Variants in C10orf67 observed in about 807,000 individuals in gnomAD.
The protein encoded by C10orf67 is chromosome 10 open reading frame 67.
C10orf67 carries 60 observed loss-of-function variants against 35.6 expected under a neutral mutation model. The observed-to-expected ratio is 1.68, with a 90% CI of 1.37 to 2.09. The LOEUF is 2.09. Ranked by LOEUF, C10orf67 falls within the 30% of genes most tolerant of loss-of-function variation. The pLI is 0.00. For synonymous variants in C10orf67, 167 were observed against 115.8 expected, an observed-to-expected ratio of 1.44 and a Z score of -2.84; for missense variants, 474 against 330.2, an observed-to-expected ratio of 1.44 and a Z score of -3.38.
intron 15 of C10orf67, among the ~76,000 whole-genome samples, chr10:23,218,476 T>C (rs928154983): frequency 4.6e-5 from 7 of 152,152 alleles, no homozygotes; most frequent in Non-Finnish European, 7.4e-5. Flanking sequence ...TCTAATATGC[T>C]AAATTATATG....
chr10:23,300,741 C>A (rs930319120), intron 5 of C10orf67, among the ~76,000 whole-genome samples: 5 of 152,146 alleles, frequency 3.3e-5, no homozygotes, highest in African/African-American at 1.2e-4. Context: ...ATGTCTGCAG[C>A]ACCAATCTCC....
chr10:23,309,833 A>C (rs1844428590), intron 4 of C10orf67, among the ~76,000 whole-genome samples: 1 of 152,248 alleles, frequency 6.6e-6, no homozygotes, highest in Non-Finnish European at 1.5e-5. Flanking sequence ...TTTTACTTTT[A>C]CATGCTTCCT....
At chr10:23,309,451 T>C (rs758391362) in intron 4 of C10orf67, among the ~76,000 whole-genome samples, 1 of 152,146 alleles carries the variant, frequency 6.6e-6, no homozygotes, top group Non-Finnish European at 1.5e-5. Flanking sequence ...ATGTTCAATA[T>C]TGGGGGATGG....
chr10:23,237,744 T>A (rs1842085341), intron 13 of C10orf67, among the ~76,000 whole-genome samples: 1 of 152,164 alleles, frequency 6.6e-6, no homozygotes, highest in African/African-American at 2.4e-5. Flanking sequence ...TAATCTGTAG[T>A]GATAGAAATC....
intron 8 of C10orf67, among the ~76,000 whole-genome samples, chr10:23,277,408 C>T (rs1026725874): frequency 6.6e-6 from 1 of 151,928 alleles, no homozygotes; most frequent in Non-Finnish European, 1.5e-5. Context: ...GAAAAATTAG[C>T]CGGACATCTT....
intron 4 of C10orf67, among the ~76,000 whole-genome samples, chr10:23,306,871 T>C (rs1844304764): frequency 6.6e-6 from 1 of 152,214 alleles, no homozygotes; most frequent in Non-Finnish European, 1.5e-5. Flanking sequence ...TTGTCAATTA[T>C]ACATCAGTAA....
At chr10:23,230,831 G>C (rs1379932596) in intron 13 of C10orf67, among the ~76,000 whole-genome samples, 1 of 152,214 alleles carries the variant, frequency 6.6e-6, no homozygotes, top group Non-Finnish European at 1.5e-5. Flanking sequence ...GGCAATATCA[G>C]TGCTGAAGAC....
At chr10:23,290,097 A>C in intron 6 of C10orf67, 139 bp from the exon 7 acceptor site, 1 of 590,064 alleles carries the variant, frequency 1.7e-6, no homozygotes, top group East Asian at 2.9e-5. Context: ...TGACCTTCAC[A>C]ACTGCCCTTG....
At chr10:23,284,692 C>A (rs555668259) in intron 7 of C10orf67, among the ~76,000 whole-genome samples, 8 of 147,402 alleles carry the variant, frequency 5.4e-5, no homozygotes, top group Non-Finnish European at 1.1e-4. Flanking sequence ...TCTCAAAAAA[C>A]CCCCAAACAA....
intron 15 of C10orf67, among the ~76,000 whole-genome samples, chr10:23,206,967 T>C (rs1290136049): frequency 6.6e-6 from 1 of 152,232 alleles, no homozygotes; most frequent in South Asian, 2.1e-4. Flanking sequence ...AGAATCTATC[T>C]TAAATGTTAG....
chr10:23,258,333 G>A (rs1842659073), intron 10 of C10orf67: 1 of 161,832 alleles, frequency 6.2e-6, no homozygotes, highest in Non-Finnish European at 1.4e-5. Context: ...GCCTTCCTAA[G>A]ATGCCTTAGA....
chr10:23,308,680 G>C (rs900740205), intron 4 of C10orf67, among the ~76,000 whole-genome samples: 2 of 152,124 alleles, frequency 1.3e-5, no homozygotes, highest in African/African-American at 4.8e-5. Context: ...CTGCAGACCA[G>C]CTCTGTCAGC....
chr10:23,297,996 C>T (rs1051799971), intron 5 of C10orf67, among the ~76,000 whole-genome samples: 4 of 152,294 alleles, frequency 2.6e-5, no homozygotes, highest in Admixed American at 2.0e-4. Flanking sequence ...TGGCTCACGC[C>T]TATAATCCTA....
chr10:23,328,993 C>CAAAAAAAAAAAAAAAAAAAA (rs57772405), intron 2 of C10orf67, among the ~76,000 whole-genome samples: 72 of 78,676 alleles, frequency 9.2e-4, no homozygotes, highest in South Asian at 1.4e-3. Context: ...CATAAACGAA[C>CAAAAAAAAAAAAAAAAAAAA]AAAAAAAAAA....
At chr10:23,335,184 T>A (rs1845631314) in intron 1 of C10orf67, among the ~76,000 whole-genome samples, 2 of 145,896 alleles carry the variant, frequency 1.4e-5, no homozygotes, top group Admixed American at 1.4e-4. Flanking sequence ...CAAGATTCTG[T>A]CTCAAAAAAA....
chr10:23,313,750 A>G (rs1034635522), intron 4 of C10orf67, among the ~76,000 whole-genome samples: 1 of 152,208 alleles, frequency 6.6e-6, no homozygotes, highest in African/African-American at 2.4e-5. Flanking sequence ...TTTAGCTAAG[A>G]AGTGGAAACA....
chr10:23,232,712 C>CA lies in C10orf67; in HGVS notation c.1434+7016dup, dbSNP rs574101975. Among the ~76,000 whole-genome samples the CA allele has an allele frequency of 6.8e-4, 104 of 151,826 alleles. 1 individual carries two copies. Among genetic ancestry groups the CA allele is most frequent in the African/African-American group, 2.4e-3 (98 of 41,356 alleles). ...GGGAGGTACAAACCAGAAAAGTTTCCAAAAAATGTCAAGGAAAAGAACAAA... is the reference window on the plus strand; with the variant it reads ...GGGAGGTACAAACCAGAAAAGTTTCCAAAAAAATGTCAAGGAAAAGAACAAA... On this transcript the variant is annotated intron_variant, in intron 13 of 15. Coordinates refer to ENST00000636213, the MANE Select transcript of C10orf67 (RefSeq NM_001371909.1).
chr10:23,238,007 C>T (rs1256999183), intron 13 of C10orf67, among the ~76,000 whole-genome samples: 2 of 152,158 alleles, frequency 1.3e-5, no homozygotes, highest in South Asian at 2.1e-4. Context: ...TGGTGTTTCC[C>T]TATTAATGCC....
At chr10:23,328,993 C>CAAAAAAAAAAAAAAAAGAAAA (rs1845309763) in intron 2 of C10orf67, among the ~76,000 whole-genome samples, 1 of 78,732 alleles carries the variant, frequency 1.3e-5, no homozygotes, top group Non-Finnish European at 2.5e-5. Context: ...CATAAACGAA[C>CAAAAAAAAAAAAAAAAGAAAA]AAAAAAAAAA....
Sources: gnomAD v4.1 joint callset for allele counts (sites outside exome capture counted in the v4.1 genomes callset) on GRCh38, gnomAD v4.1.1 for gene constraint, MANE v1.5 for transcripts, NCBI Gene and HGNC (gene_info 2026-07-23, HGNC 2026-07-21) for gene names.